Variants in INTS7 observed in about 807,000 individuals in gnomAD.
The protein encoded by INTS7 is chromosome 1 open reading frame 73.
INTS7 carries 46 observed loss-of-function variants against 109.2 expected under a neutral mutation model. That is an observed-to-expected ratio of 0.42 (90% confidence interval 0.33 to 0.54). The LOEUF is 0.54. INTS7 is among the 20% of genes least tolerant of loss of function. INTS7 has a pLI of 0.07. For missense variants in INTS7, 929 were observed against 1,132.4 expected (o/e 0.82, Z 2.58); for synonymous variants, 412 against 402.9 (o/e 1.02, Z -0.27).
At chr1:211,998,765 A>G (rs1043969402) in intron 7 of INTS7, among the ~76,000 whole-genome samples, 11 of 152,204 alleles carry the variant, frequency 7.2e-5, no homozygotes, top group African/African-American at 2.7e-4. Context: ...TTTGTAAAAC[A>G]TACATCTGAT....
chr1:211,975,772 A>G (rs960172667), intron 12 of INTS7, among the ~76,000 whole-genome samples: 6 of 152,278 alleles, frequency 3.9e-5, no homozygotes, highest in Middle Eastern at 3.4e-3. Flanking sequence ...AATACCATTT[A>G]ATGCCTGGGG....
At chr1:212,020,859 T>G (rs1471646536) in intron 2 of INTS7, 3 of 599,164 alleles carry the variant, frequency 5.0e-6, no homozygotes, top group Non-Finnish European at 7.2e-6. Flanking sequence ...GTTGTCTTAA[T>G]TTTATTCTGT....
At position 211,975,397 on chromosome 1, in the gene INTS7, A is replaced by G. The variant is rs371092403; in HGVS notation, c.1609-25T>C. The G allele has an allele frequency of 2.5e-6, 4 of 1,575,288 alleles. No individual in the cohort carries two copies. The African/African-American group carries it at 5.4e-5, about 21-fold the overall frequency. ...CCTAAAAACAAAAAAAGAAAAGAAAAAAGAATAGAAGGAGCACACGGTGAG... is the reference window on the plus strand; with the variant it reads ...CCTAAAAACAAAAAAAGAAAAGAAAGAAGAATAGAAGGAGCACACGGTGAG... On this transcript the variant is annotated intron_variant, in intron 12 of 19. Coordinates refer to ENST00000366994, the MANE Select transcript of INTS7 (RefSeq NM_015434.4).
At chr1:211,969,863 C>A (rs539243775) in intron 13 of INTS7, among the ~76,000 whole-genome samples, 1 of 151,934 alleles carries the variant, frequency 6.6e-6, no homozygotes, top group Non-Finnish European at 1.5e-5. Context: ...GGACTACAGG[C>A]GCCTGCCACC....
Position 211,968,518 on chromosome 1 carries a change from T to C in INTS7, c.2005A>G (p.Asn669Asp), listed in dbSNP as rs1188517012. ...NDLQRCGRISNQMKQSMEEFR... is the reference protein window; with the variant it reads ...NDLQRCGRISDQMKQSMEEFR... ...CACTGAAAGTTAAGACATGCCTGATTGGAGATGCGACCACACCTCTGGAGG... is the reference window on the plus strand; with the variant it reads ...CACTGAAAGTTAAGACATGCCTGATCGGAGATGCGACCACACCTCTGGAGG... Residue 669 changes from asparagine (N) to aspartate (D), a missense_variant, in exon 14 of 20, where the codon AAT becomes GAT. By Grantham distance (23) the Asn-to-Asp change is conservative (BLOSUM62 1). This residue lies in a region of INTS7 where 787 missense variants were observed against 901.1 expected (regional missense o/e 0.87). Coordinates refer to ENST00000366994, the MANE Select transcript of INTS7 (RefSeq NM_015434.4). 1 of 1,611,702 alleles carries C rather than the reference T, an allele frequency of 6.2e-7. No individual in the cohort carries two copies. Among genetic ancestry groups the C allele is most frequent in the Non-Finnish European group, 8.5e-7 (1 of 1,178,842 alleles).
At chr1:212,023,592 G>T (rs1189399095) in intron 1 of INTS7, among the ~76,000 whole-genome samples, 1 of 151,992 alleles carries the variant, frequency 6.6e-6, no homozygotes, top group African/African-American at 2.4e-5. Context: ...TTTTAATAGG[G>T]TTATTTGGTT....
chr1:211,986,013 T>C (rs1329251085), intron 8 of INTS7, among the ~76,000 whole-genome samples: 1 of 152,214 alleles, frequency 6.6e-6, no homozygotes, highest in East Asian at 1.9e-4. Context: ...ACATGCTCCT[T>C]TACCATGTGA....
At chr1:211,958,221 AT>A (rs558616374) in intron 16 of INTS7, among the ~76,000 whole-genome samples, 1 of 151,804 alleles carries the variant, frequency 6.6e-6, no homozygotes, top group South Asian at 2.1e-4. Context: ...AATTTATCAG[AT>A]TTTTTCTGAA....
At chr1:211,982,250 T>A (rs923013065) in intron 9 of INTS7, among the ~76,000 whole-genome samples, 1 of 152,194 alleles carries the variant, frequency 6.6e-6, no homozygotes, top group African/African-American at 2.4e-5. Flanking sequence ...AAAATTTAAT[T>A]CACATTGGTC....
Position 211,944,982 on chromosome 1 carries a change from C to A in INTS7, c.2416-13G>T, listed in dbSNP as rs553799006. On this transcript the variant is annotated splice_polypyrimidine_tract_variant and intron_variant, in intron 18 of 19. Transcript: ENST00000366994. ...GTGACAGAGCAAGCTGGAATGCCAA[C>A]ACTCAAATAAATGCCAACAACCAAG... 31 of 1,611,556 alleles carry A rather than the reference C, an allele frequency of 1.9e-5. No homozygotes were observed. The South Asian group carries it at 2.6e-4, about 14-fold the overall frequency.
At chr1:212,012,855 T>C (rs1666220841) in intron 4 of INTS7, among the ~76,000 whole-genome samples, 1 of 152,146 alleles carries the variant, frequency 6.6e-6, no homozygotes, top group Admixed American at 6.5e-5. Context: ...ATATATAAAA[T>C]TTAATCACTA....
chr1:212,001,473 TA>T (rs1365208528), intron 7 of INTS7, among the ~76,000 whole-genome samples: 1 of 152,016 alleles, frequency 6.6e-6, no homozygotes, highest in Admixed American at 6.6e-5. Flanking sequence ...ATAATACAAA[TA>T]AAAAAACAAC....
chr1:211,941,444 G>A lies in INTS7; in HGVS notation c.*380C>T, dbSNP rs192367951. On this transcript the variant is annotated 3_prime_UTR_variant, in exon 20 of 20. Transcript: ENST00000366994. ...ACAGTCTCGGCTCACTGCAAGCTCC[G>A]CCTCCCAGGTTCACACCATTCTCCT... 214 of 173,194 alleles carry A rather than the reference G, an allele frequency of 1.2e-3. No individual in the cohort carries two copies. The East Asian group carries it at 0.019, about 15-fold the overall frequency. 10.7% of individuals were successfully genotyped at this position (173,194 alleles called of 1,614,324 possible).
Position 211,944,853 on chromosome 1 carries a change from G to T in INTS7, c.2532C>A (p.Phe844Leu). 1.2e-6 allele frequency: 2 copies of T among 1,614,164 alleles called. No homozygotes were observed. Among genetic ancestry groups the T allele is most frequent in the Non-Finnish European group, 1.7e-6 (2 of 1,179,986 alleles). Reference sequence around the variant, plus strand: ...TCAGACAGACAGACTGAATTTTGCGGAAGAGTCCTGGTTTAGATCCGTGCT... The same window carrying T: ...TCAGACAGACAGACTGAATTTTGCGTAAGAGTCCTGGTTTAGATCCGTGCT... The part of the protein sequence containing the change: ...VVQHGSKPGL[F>L]RKIQSVCLNV... The change falls in exon 19 of 20, where the codon TTC becomes TTA. Residue 844 changes from phenylalanine (F) to leucine (L), a missense_variant. Around this residue, in one of 2 missense-constraint regions of INTS7, gnomAD observed 787 missense variants for 901.1 expected, o/e 0.87. Coordinates refer to ENST00000366994, the MANE Select transcript of INTS7 (RefSeq NM_015434.4).
At chr1:211,945,578 C>A (rs1662813316) in intron 18 of INTS7, among the ~76,000 whole-genome samples, 1 of 152,162 alleles carries the variant, frequency 6.6e-6, no homozygotes, top group Non-Finnish European at 1.5e-5. Flanking sequence ...TGTTGTTGAA[C>A]TACTGATCAA....
At chr1:212,011,341 A>C in intron 5 of INTS7, 34 bp downstream of exon 5, 1 of 1,175,478 alleles carries the variant, frequency 8.5e-7, no homozygotes, top group South Asian at 1.3e-5. Flanking sequence ...AATCTAATTA[A>C]GTCACTTCAT....
At chr1:211,993,237 G>A (rs936569294) in intron 7 of INTS7, among the ~76,000 whole-genome samples, 7 of 152,222 alleles carry the variant, frequency 4.6e-5, no homozygotes, top group Admixed American at 3.9e-4. Flanking sequence ...GGCTGAACTT[G>A]TTACTCCTCC....
At chr1:211,996,537 A>C (rs1260096439) in intron 7 of INTS7, among the ~76,000 whole-genome samples, 4 of 152,212 alleles carry the variant, frequency 2.6e-5, no homozygotes, top group African/African-American at 7.2e-5. Context: ...AAGCAACAAC[A>C]AAAATTCCAC....
At chr1:211,968,096 G>A (rs1163730488) in intron 14 of INTS7, 115 bp from the exon 15 acceptor site, 2 of 556,916 alleles carry the variant, frequency 3.6e-6, no homozygotes, top group Non-Finnish European at 3.1e-6. Context: ...AAAAAATACT[G>A]CCATCTTTTC....
Sources: allele counts gnomAD v4.1 joint callset (sites outside exome capture counted in the v4.1 genomes callset), GRCh38; gene constraint gnomAD v4.1.1; regional missense constraint gnomAD v4.1.1; transcripts MANE v1.5; gene names NCBI Gene and HGNC (gene_info 2026-07-23, HGNC 2026-07-21).